The following ADGRL2 variants were observed in gnomAD, a reference collection of about 807,000 sequenced individuals.
ADGRL2 encodes the protein calcium-independent alpha-latrotoxin receptor 2.
In ADGRL2, 44 loss-of-function variants were observed where a neutral mutation model predicts 157.4. The observed-to-expected ratio is 0.28, with a 90% CI of 0.22 to 0.36. The LOEUF (loss-of-function observed/expected upper bound fraction) is 0.36. ADGRL2 is among the 10% of genes least tolerant of loss of function. The probability of loss-of-function intolerance (pLI) is 1.00; values close to 1 mark genes in which losing one functional copy is unlikely to be tolerated. For missense variants in ADGRL2, 1,510 were observed against 1,768.9 expected (o/e 0.85, Z 2.63); for synonymous variants, 585 against 624.7 (o/e 0.94, Z 0.95).
At chr1:81,353,327 G>C (rs1663049383) in intron 1 of ADGRL2, among the ~76,000 whole-genome samples, 1 of 152,058 alleles carries the variant, frequency 6.6e-6, no homozygotes, top group African/African-American at 2.4e-5. Context: ...GAAGATTTTT[G>C]AGCAGGTAAA....
At chr1:81,524,609 T>G (rs1015118347) in intron 2 of ADGRL2, among the ~76,000 whole-genome samples, 19 of 152,024 alleles carry the variant, frequency 1.2e-4, no homozygotes, top group Non-Finnish European at 2.6e-4. Flanking sequence ...ATGTAATAAT[T>G]TATCCAAATA....
rs531944967 is a variant in ADGRL2, at chr1:81,987,764, A to G, written c.3638-105A>G. On this transcript the variant is annotated intron_variant, in intron 22 of 23. Transcript: ENST00000686636. ...ATGAATATTTGCCACTAAATTAAAC[A>G]CAGAACTTGGTTTCCATTTTTTTCT... 11 of 240,598 alleles carry G rather than the reference A, an allele frequency of 4.6e-5. No individual in the cohort carries two copies. In the South Asian group the frequency reaches 5.4e-4, roughly 12 times the overall value. 14.9% of individuals were successfully genotyped at this position (240,598 alleles called of 1,614,324 possible).
chr1:81,596,993 T>G (rs2148615332), intron 3 of ADGRL2, among the ~76,000 whole-genome samples: 1 of 152,318 alleles, frequency 6.6e-6, no homozygotes, highest in South Asian at 2.1e-4. Context: ...GATTAAATTT[T>G]TAAAAATTCT....
intron 3 of ADGRL2, among the ~76,000 whole-genome samples, chr1:81,692,245 A>G (rs183698532): frequency 4.0e-4 from 61 of 152,112 alleles, no homozygotes; most frequent in African/African-American, 1.2e-3. Flanking sequence ...CATCTCTACT[A>G]AAAATACAAA....
intron 4 of ADGRL2, among the ~76,000 whole-genome samples, chr1:81,939,976 A>G (rs1331461098): frequency 2.0e-5 from 3 of 151,264 alleles, no homozygotes; most frequent in East Asian, 1.9e-4. Context: ...TATAAAATAT[A>G]TACAATATAT....
chr1:81,738,120 AT>A lies in ADGRL2; in HGVS notation c.-142-23690del, dbSNP rs1351287547. Among the ~76,000 whole-genome samples the A allele has an allele frequency of 2.6e-5, 4 of 152,324 alleles. No individual in the cohort carries two copies. In the East Asian group the frequency reaches 7.7e-4, roughly 29 times the overall value. On this transcript the variant is annotated intron_variant, in intron 1 of 20. Coordinates refer to the ADGRL2 transcript ENST00000359929. ...ATGTATCCTGCATTACAAAAAATGTATCAATATTGTCTGATTATGTCTTCAT... is the reference window on the plus strand; with the variant it reads ...ATGTATCCTGCATTACAAAAAATGTACAATATTGTCTGATTATGTCTTCAT...
At chr1:81,801,434 T>A (rs1273707978) in intron 1 of ADGRL2, among the ~76,000 whole-genome samples, 1 of 152,112 alleles carries the variant, frequency 6.6e-6, no homozygotes, top group Admixed American at 6.5e-5. Flanking sequence ...TCCCTCTCGC[T>A]CCCTCTCACT....
At chr1:81,493,569 A>C (rs1051157488) in intron 2 of ADGRL2, among the ~76,000 whole-genome samples, 5 of 152,156 alleles carry the variant, frequency 3.3e-5, no homozygotes, top group African/African-American at 4.8e-5. Context: ...GATATTTGGA[A>C]GGAAGGGAGT....
intron 3 of ADGRL2, among the ~76,000 whole-genome samples, chr1:81,692,685 G>A (rs2083367089): frequency 6.6e-6 from 1 of 152,136 alleles, no homozygotes; most frequent in African/African-American, 2.4e-5. Context: ...AATCTTTTGA[G>A]GAAGATTGAA....
At chr1:81,810,865 C>G (rs1045989320) in intron 1 of ADGRL2, among the ~76,000 whole-genome samples, 1 of 151,882 alleles carries the variant, frequency 6.6e-6, no homozygotes, top group African/African-American at 2.4e-5. Flanking sequence ...ATGTCCTAGA[C>G]ATGTTCACTT....
At chr1:81,919,944 T>C (rs541820218) in intron 3 of ADGRL2, among the ~76,000 whole-genome samples, 50 of 152,194 alleles carry the variant, frequency 3.3e-4, no homozygotes, top group Non-Finnish European at 6.3e-4. Context: ...TTACTGAATA[T>C]GAAATGTAAC....
intron 3 of ADGRL2, among the ~76,000 whole-genome samples, chr1:81,932,949 A>G (rs1313579215): frequency 2.0e-5 from 3 of 152,038 alleles, no homozygotes; most frequent in Non-Finnish European, 4.4e-5. Context: ...TGATCCACCC[A>G]CCTCGGCCTC....
At chr1:81,338,136 G>A (rs1201624389) in intron 1 of ADGRL2, among the ~76,000 whole-genome samples, 1 of 152,154 alleles carries the variant, frequency 6.6e-6, no homozygotes, top group African/African-American at 2.4e-5. Flanking sequence ...GCCTAGGGTG[G>A]CAGATCACCT....
At chr1:81,500,132 G>A (rs2078815494) in intron 2 of ADGRL2, among the ~76,000 whole-genome samples, 1 of 152,166 alleles carries the variant, frequency 6.6e-6, no homozygotes, top group Non-Finnish European at 1.5e-5. Context: ...TCGCTAAGAT[G>A]GCTATTATTA....
chr1:81,336,044 T>TAAAG (rs1661619764), intron 1 of ADGRL2, among the ~76,000 whole-genome samples: 2 of 152,170 alleles, frequency 1.3e-5, no homozygotes, highest in Non-Finnish European at 2.9e-5. Context: ...GTGTAGCTGT[T>TAAAG]TGTAAGACAA....
intron 2 of ADGRL2, among the ~76,000 whole-genome samples, chr1:81,468,519 A>G (rs995626846): frequency 6.6e-6 from 1 of 152,200 alleles, no homozygotes; most frequent in African/African-American, 2.4e-5. Flanking sequence ...CTGTGACAAC[A>G]ATGAATACAA....
chr1:81,333,624 G>A (rs1232558980), intron 1 of ADGRL2, among the ~76,000 whole-genome samples: 1 of 151,908 alleles, frequency 6.6e-6, no homozygotes. Flanking sequence ...CACCATCTTG[G>A]CCAGGCTGGT....
intron 3 of ADGRL2, among the ~76,000 whole-genome samples, chr1:81,594,305 A>G (rs1213424541): frequency 1.3e-5 from 2 of 152,330 alleles, no homozygotes; most frequent in East Asian, 3.9e-4. Flanking sequence ...GAAAGGGATC[A>G]TGGCCTCATT....
At chr1:81,708,963 C>G (rs1415845575) in intron 1 of ADGRL2, among the ~76,000 whole-genome samples, 1 of 152,024 alleles carries the variant, frequency 6.6e-6, no homozygotes, top group African/African-American at 2.4e-5. Flanking sequence ...GGAAAACAGA[C>G]AAGGTATTAG....
Sources: allele counts gnomAD v4.1 joint callset (sites outside exome capture counted in the v4.1 genomes callset), GRCh38; gene constraint gnomAD v4.1.1; transcripts MANE v1.5; gene names NCBI Gene and HGNC (gene_info 2026-07-23, HGNC 2026-07-21).